Variants in TGM4 observed in about 807,000 individuals in gnomAD.
TGM4 encodes transglutaminase 4.
A neutral mutation model predicts 76.3 loss-of-function variants in TGM4; 61 were observed. That is an observed-to-expected ratio of 0.80 (90% CI 0.65 to 0.99). The LOEUF is 0.99. Ranked by LOEUF, TGM4 falls within the 50% of genes least tolerant of loss-of-function variation. TGM4 has a pLI of 0.00. For synonymous variants in TGM4, 337 were observed against 329.8 expected (o/e 1.02, Z -0.24); for missense variants, 794 against 843.2 (o/e 0.94, Z 0.72).
chr3:44,893,300 C>T (rs893184028), intron 4 of TGM4, among the ~76,000 whole-genome samples: 4 of 152,204 alleles, frequency 2.6e-5, no homozygotes, highest in Non-Finnish European at 5.9e-5. Flanking sequence ...TGTATGGACT[C>T]ATGGACTCTC....
chr3:44,903,904 A>T lies in TGM4; in HGVS notation c.992A>T (p.Asp331Val). The change falls in exon 9 of 14, where the codon GAT becomes GTT. Residue 331 changes from aspartate to valine, a missense_variant. Transcript: ENST00000296125. ...GGCAGGAATTTCCATGTGTGGACGGATGCCTGGATGAAGCGACCGGATCTG... is the reference window on the plus strand; with the variant it reads ...GGCAGGAATTTCCATGTGTGGACGGTTGCCTGGATGAAGCGACCGGATCTG... ...DSVWNFHVWT[D>V]AWMKRPDLPK... 6.2e-7 allele frequency: 1 copy of T among 1,614,118 alleles called. No homozygotes were observed. The highest frequency in any genetic ancestry group is 1.3e-5 in the African/African-American group (1 of 75,018).
chr3:44,875,327 T>G lies in TGM4; in HGVS notation c.19+630T>G, dbSNP rs576480574. On this transcript the variant is annotated intron_variant, in intron 1 of 13. Coordinates refer to ENST00000296125, the MANE Select transcript of TGM4 (RefSeq NM_003241.4). ...TCTGTCATTCTTGGAGTTTTGTGAC[T>G]TCAACACTTTTGAAGAGTACAGACC... is the stretch of plus-strand genomic sequence containing the variant. Among the ~76,000 whole-genome samples the G allele has an allele frequency of 7.2e-5, 11 of 152,366 alleles. No homozygotes were observed. In the South Asian group the frequency reaches 2.3e-3, roughly 32 times the overall value.
chr3:44,890,522 C>A, intron 3 of TGM4, 81 bp from the exon 4 acceptor site: 1 of 1,560,400 alleles, frequency 6.4e-7, no homozygotes, highest in Non-Finnish European at 8.7e-7. Flanking sequence ...TTAGGACTGA[C>A]GGATTCTTCT....
At position 44,906,981 on chromosome 3, in the gene TGM4, G is replaced by A. The variant is rs143965912; in HGVS notation, c.1108G>A (p.Ala370Thr). 50 of 1,613,990 alleles carry A rather than the reference G, an allele frequency of 3.1e-5. No homozygotes were observed. Among genetic ancestry groups the A allele is most frequent in the Middle Eastern group, 1.7e-4 (1 of 6,048 alleles). The change falls in exon 10 of 14, where the codon GCC (alanine) becomes ACC (threonine). Residue 370 changes from alanine (A) to threonine (T), a missense_variant. Transcript: ENST00000296125. ...VFCCGPSPLTAIRKGDIFIVY... is the reference protein window; with the variant it reads ...VFCCGPSPLTTIRKGDIFIVY... ...CTGCTGTGGGCCATCACCACTGACC[G>A]CCATCCGCAAAGGTGACATCTTTAT...
intron 9 of TGM4, among the ~76,000 whole-genome samples, chr3:44,904,315 G>A (rs995037209): frequency 5.3e-5 from 8 of 152,136 alleles, no homozygotes; most frequent in African/African-American, 1.2e-4. Flanking sequence ...TGTCATTATC[G>A]TCATTTTACA....
intron 1 of TGM4, among the ~76,000 whole-genome samples, chr3:44,884,657 A>G (rs145536268): frequency 6.6e-6 from 1 of 152,134 alleles, no homozygotes. Flanking sequence ...TTTATAATGC[A>G]AGTAGTCTTG....
chr3:44,901,541 C>A lies in TGM4; in HGVS notation c.675C>A (p.Gly225=). The A allele has an allele frequency of 1.2e-6, 2 of 1,610,668 alleles. No homozygotes were observed. The highest frequency in any genetic ancestry group is 1.7e-6 in the Non-Finnish European group (2 of 1,177,644). Reference sequence around the variant, plus strand: ...TGTGGCAGATGAGCTTTGAGAAAGGCCAGGGCGTGCTCATTGGGAATTGGA... The same window carrying A: ...TGTGGCAGATGAGCTTTGAGAAAGGACAGGGCGTGCTCATTGGGAATTGGA... The part of the protein sequence containing the change: ...AMCAMMSFEK[G]QGVLIGNWTG... Residue 225 remains glycine, a synonymous_variant, in exon 7 of 14, where the codon GGC becomes GGA. Coordinates refer to ENST00000296125, the MANE Select transcript of TGM4 (RefSeq NM_003241.4).
rs756064945 is a variant in TGM4 at position 44,910,189 on chromosome 3, C to T, written c.1427C>T (p.Ser476Leu). Residue 476 changes from serine (S) to leucine (L), a missense_variant, in exon 11 of 14, where the codon TCG (serine) becomes TTG (leucine). By Grantham distance (145) the Ser-to-Leu change is moderately radical. Coordinates refer to ENST00000296125, the MANE Select transcript of TGM4 (RefSeq NM_003241.4). Reference sequence around the variant, plus strand: ...GTAAAAGAGAACTTTCTTCACATGTCGGTACAATCAGATGATGTGCTGCTG... The same window carrying T: ...GTAAAAGAGAACTTTCTTCACATGTTGGTACAATCAGATGATGTGCTGCTG... ...RPVKENFLHM[S>L]VQSDDVLLGN... 32 of 1,614,016 alleles carry T rather than the reference C, an allele frequency of 2.0e-5. No individual in the cohort carries two copies. The highest frequency in any genetic ancestry group is 9.9e-5 in the South Asian group (9 of 91,086).
At chr3:44,895,031 C>A (rs563576645) in intron 5 of TGM4, among the ~76,000 whole-genome samples, 1 of 152,268 alleles carries the variant, frequency 6.6e-6, no homozygotes, top group East Asian at 1.9e-4. Flanking sequence ...CACGGTGGCT[C>A]ACACCTGTAA....
At chr3:44,885,567 G>A in intron 2 of TGM4, 69 bp downstream of exon 2, 9 of 1,532,098 alleles carry the variant, frequency 5.9e-6, no homozygotes, top group Non-Finnish European at 8.0e-6. Flanking sequence ...TGCTGGAGTG[G>A]CCCTTTCTGG....
chr3:44,876,810 A>G (rs2125745223), intron 1 of TGM4, among the ~76,000 whole-genome samples: 1 of 152,362 alleles, frequency 6.6e-6, no homozygotes, highest in Non-Finnish European at 1.5e-5. Context: ...GGAACTGTGA[A>G]GGGTACTTTC....
chr3:44,910,088 A>G lies in TGM4; in HGVS notation c.1328-2A>G. ...AGGAAGCTGCCTTTGTGTCTCTTTCAGGCTCCTCTGAGGAGAGGCAGGTCA... is the reference window on the plus strand; with the variant it reads ...AGGAAGCTGCCTTTGTGTCTCTTTCGGGCTCCTCTGAGGAGAGGCAGGTCA... On this transcript the variant is annotated splice_acceptor_variant, in intron 10 of 13. Transcript: ENST00000296125. LOFTEE classifies it high-confidence loss of function. 6.2e-7 allele frequency: 1 copy of G among 1,611,992 alleles called. No homozygotes were observed. The highest frequency in any genetic ancestry group is 8.5e-7 in the Non-Finnish European group (1 of 1,178,718).
chr3:44,891,168 C>T (rs944017692), intron 4 of TGM4, among the ~76,000 whole-genome samples: 4 of 152,212 alleles, frequency 2.6e-5, no homozygotes, highest in African/African-American at 7.2e-5. Flanking sequence ...ACACTGGAGC[C>T]TTTATGTAAA....
intron 5 of TGM4, among the ~76,000 whole-genome samples, chr3:44,895,131 T>C (rs545452786): frequency 2.0e-5 from 3 of 151,398 alleles, no homozygotes; most frequent in Non-Finnish European, 4.4e-5. Context: ...CCGTCTCTAC[T>C]AAAAATACAA....
At chr3:44,897,240 G>A (rs1243261613) in intron 6 of TGM4, among the ~76,000 whole-genome samples, 8 of 151,866 alleles carry the variant, frequency 5.3e-5, no homozygotes, top group Non-Finnish European at 5.9e-5. Flanking sequence ...TCCTGACCTC[G>A]TGATCCACCC....
chr3:44,880,660 G>A (rs1389454653), intron 1 of TGM4, among the ~76,000 whole-genome samples: 1 of 152,210 alleles, frequency 6.6e-6, no homozygotes, highest in Non-Finnish European at 1.5e-5. Context: ...GTCCTCTCCA[G>A]TGTCACACAG....
chr3:44,878,071 A>G (rs980109516), intron 1 of TGM4, among the ~76,000 whole-genome samples: 2 of 151,994 alleles, frequency 1.3e-5, no homozygotes, highest in Non-Finnish European at 2.9e-5. Context: ...GGATTGCTTC[A>G]GCCCAGGAGG....
chr3:44,897,882 T>C, intron 6 of TGM4, among the ~76,000 whole-genome samples: 1 of 152,228 alleles, frequency 6.6e-6, no homozygotes, highest in East Asian at 1.9e-4. Context: ...ATCTCTTTAA[T>C]GTCTGGCTTG....
At position 44,913,858 on chromosome 3, in the gene TGM4, C is replaced by T; in HGVS notation, c.*133C>T. 3.2e-6 allele frequency: 4 copies of T among 1,269,478 alleles called. No homozygotes were observed. The highest frequency in any genetic ancestry group is 4.3e-6 in the Non-Finnish European group (4 of 923,646). The allele number at this position is 1,269,478 out of a possible 1,614,324, so 78.6% of individuals were successfully genotyped here. On this transcript the variant is annotated 3_prime_UTR_variant, in exon 14 of 14. Coordinates refer to ENST00000296125, the MANE Select transcript of TGM4 (RefSeq NM_003241.4). ...TCAAGAGCCAGCAGGTCAAAAAGGC[C>T]AACACAACCATAAGCAGCCAGACCC...
Sources: gnomAD v4.1 joint callset for allele counts (sites outside exome capture counted in the v4.1 genomes callset) on GRCh38, gnomAD v4.1.1 for gene constraint, MANE v1.5 for transcripts, NCBI Gene and HGNC (gene_info 2026-07-23, HGNC 2026-07-21) for gene names.